ANKRD17: variants seen among roughly 807,000 people sequenced by gnomAD.
ANKRD17 encodes the protein ankyrin repeat domain 17.
Under a neutral mutation model 229.7 loss-of-function variants are expected in ANKRD17, and 19 were observed. The observed-to-expected ratio is 0.08, with a 90% CI of 0.06 to 0.12. The LOEUF is 0.12. Ranked by LOEUF, ANKRD17 falls within the 10% of genes least tolerant of loss-of-function variation. The probability of loss-of-function intolerance (pLI) is 1.00; values close to 1 mark genes in which losing one functional copy is unlikely to be tolerated. For missense variants in ANKRD17, 2,176 were observed against 3,176.8 expected (o/e 0.68, Z 7.57); for synonymous variants, 1,112 against 1,146.1 (o/e 0.97, Z 0.60).
At position 73,091,429 on chromosome 4, in the gene ANKRD17, A is replaced by T; in HGVS notation, c.6199T>A (p.Ser2067Thr). 2.5e-6 allele frequency: 4 copies of T among 1,614,084 alleles called. No individual in the cohort carries two copies. Among genetic ancestry groups the T allele is most frequent in the Non-Finnish European group, 3.4e-6 (4 of 1,180,012 alleles). Residue 2067 changes from serine (S) to threonine (T), a missense_variant, in exon 29 of 34, where the codon TCT (serine) becomes ACT (threonine). Coordinates refer to ENST00000358602, the MANE Select transcript of ANKRD17 (RefSeq NM_032217.5). ...RNSPLDCGSA[S>T]PNKVASSSEQ... is the part of the protein sequence containing the mutation. Reference sequence around the variant, plus strand: ...GAGGAAGATGCCACTTTATTTGGAGATGCTGATCCACAATCCAAAGGGCTG... The same window carrying T: ...GAGGAAGATGCCACTTTATTTGGAGTTGCTGATCCACAATCCAAAGGGCTG...
At chr4:73,241,227 A>G (rs1269831374) in intron 1 of ANKRD17, among the ~76,000 whole-genome samples, 5 of 152,232 alleles carry the variant, frequency 3.3e-5, no homozygotes, top group East Asian at 3.8e-4. Context: ...TATGAAACAG[A>G]TAAGTCAACT....
Position 73,155,659 on chromosome 4 carries a change from T to A in ANKRD17, c.972A>T (p.Lys324Asn). The A allele has an allele frequency of 6.2e-7, 1 of 1,614,150 alleles. No homozygotes were observed. Among genetic ancestry groups the A allele is most frequent in the Non-Finnish European group, 8.5e-7 (1 of 1,180,020 alleles). The change falls in exon 5 of 34, where the codon AAA (lysine) becomes AAT (asparagine). Residue 324 changes from lysine to asparagine, a missense_variant. Around this residue, in one of 18 missense-constraint regions of ANKRD17, gnomAD observed 184 missense variants for 357.8 expected, o/e 0.51. Transcript: ENST00000358602. ...VKIVKLLLAH[K>N]ADVNAQSSTG... ...TTGAAGACTGTGCATTAACATCTGC[T>A]TTATGAGCTAGCAGCAACTTCACAA...
At chr4:73,202,147 T>C (rs952346613) in intron 1 of ANKRD17, among the ~76,000 whole-genome samples, 9 of 152,018 alleles carry the variant, frequency 5.9e-5, no homozygotes, top group African/African-American at 2.2e-4. Flanking sequence ...ATGTGGCTTA[T>C]AGGCACAACA....
In ANKRD17 at chr4:73,148,881, C is replaced by G; in HGVS notation, c.1499G>C (p.Gly500Ala). Residue 500 changes from glycine (G) to alanine (A), a missense_variant, in exon 8 of 34, where the codon GGT (glycine) becomes GCT (alanine). This residue lies in a region of ANKRD17 where 42 missense variants were observed against 141.3 expected (regional missense o/e 0.30). Coordinates refer to ENST00000358602, the MANE Select transcript of ANKRD17 (RefSeq NM_032217.5). ...GASLEEVNDEGYTPLMEAARE... is the reference protein window; with the variant it reads ...GASLEEVNDEAYTPLMEAARE... ...AGCTGCTTCCATCAATGGTGTATAA[C>G]CTTCATCATTGACCTCTTCCAGGCT... The G allele has an allele frequency of 1.2e-6, 2 of 1,613,962 alleles. No homozygotes were observed. Among genetic ancestry groups the G allele is most frequent in the Non-Finnish European group, 1.7e-6 (2 of 1,179,944 alleles).
chr4:73,188,258 T>C (rs753874279), intron 1 of ANKRD17, among the ~76,000 whole-genome samples: 30 of 152,070 alleles, frequency 2.0e-4, no homozygotes, highest in Non-Finnish European at 4.0e-4. Context: ...TATAAGCATA[T>C]TATTTCATAT....
intron 11 of ANKRD17, 75 bp downstream of exon 11, chr4:73,144,670 T>A: frequency 9.9e-7 from 1 of 1,006,690 alleles, no homozygotes; most frequent in Non-Finnish European, 1.4e-6. Flanking sequence ...TCAAAAGACC[T>A]TTACCCTTAA....
chr4:73,159,904 A>G (rs1732267731), intron 3 of ANKRD17, among the ~76,000 whole-genome samples: 1 of 152,214 alleles, frequency 6.6e-6, no homozygotes, highest in Non-Finnish European at 1.5e-5. Flanking sequence ...ACTAATAAAG[A>G]GCCAAGAGAA....
intron 6 of ANKRD17, among the ~76,000 whole-genome samples, chr4:73,153,659 T>A (rs1277881635): frequency 2.6e-5 from 4 of 152,198 alleles, no homozygotes; most frequent in Non-Finnish European, 5.9e-5. Context: ...AACAATTAGA[T>A]CAATTAATAC....
chr4:73,108,574 A>C (rs1724920123), intron 24 of ANKRD17, among the ~76,000 whole-genome samples: 1 of 152,192 alleles, frequency 6.6e-6, no homozygotes, highest in African/African-American at 2.4e-5. Context: ...AAGTGAAGAG[A>C]GTATATCAAA....
At chr4:73,090,588 A>G (rs547496884) in intron 29 of ANKRD17, 79 bp downstream of exon 29, 1 of 1,555,390 alleles carries the variant, frequency 6.4e-7, no homozygotes, top group South Asian at 1.2e-5. Flanking sequence ...AGAGAATAAA[A>G]ATATTAGAAA....
chr4:73,102,452 T>C lies in ANKRD17; in HGVS notation c.4497A>G (p.Leu1499=), dbSNP rs142490808. Residue 1499 remains leucine, a synonymous_variant, in exon 25 of 34, where the codon CTA becomes CTG. Transcript: ENST00000358602. Reference sequence around the variant, plus strand: ...CTTTATTTTTGGCTTCAATTTCTTCTAGTTTCCTTCTTTGTTCTTCCTTTT... The same window carrying C: ...CTTTATTTTTGGCTTCAATTTCTTCCAGTTTCCTTCTTTGTTCTTCCTTTT... ...RKKKEEQRRK[L]EEIEAKNKEN... The C allele has an allele frequency of 3.4e-5, 54 of 1,607,630 alleles. No homozygotes were observed. In the African/African-American group the frequency reaches 5.8e-4, roughly 17 times the overall value.
chr4:73,129,841 C>T (rs1427732442), intron 16 of ANKRD17, among the ~76,000 whole-genome samples: 1 of 150,636 alleles, frequency 6.6e-6, no homozygotes, highest in Non-Finnish European at 1.5e-5. Flanking sequence ...CAGCTCACTG[C>T]AAGCTCCGTC....
chr4:73,216,549 T>C (rs901810054), intron 1 of ANKRD17, among the ~76,000 whole-genome samples: 4 of 152,218 alleles, frequency 2.6e-5, no homozygotes, highest in East Asian at 1.9e-4. Flanking sequence ...GGGTTAACTA[T>C]GTAACTAAAT....
chr4:73,257,951 AGGCAGACCACCCCC>A (rs1745610539), intron 1 of ANKRD17, among the ~76,000 whole-genome samples: 1 of 151,022 alleles, frequency 6.6e-6, no homozygotes, highest in African/African-American at 2.4e-5. Flanking sequence ...TACTGGCCCC[AGGCAGACCACCCCC>A]CCACCCCCCG....
rs766111088 is a variant in ANKRD17 at position 73,141,753 on chromosome 4, T to C, written c.2320A>G (p.Ile774Val). 2.5e-6 allele frequency: 4 copies of C among 1,613,522 alleles called. No homozygotes were observed. The highest frequency in any genetic ancestry group is 1.7e-5 in the Admixed American group (1 of 59,996). ...AAGTATAACTGACCTTTATTCCTGA[T>C]GGGAAGAGTGGTGGCAACATTGGCA... is the stretch of plus-strand genomic sequence containing the variant. ...PPANVATTLP[I>V]RNKAASKQKS... is the part of the protein sequence containing the mutation. The change falls in exon 14 of 34, where the codon ATC becomes GTC. Residue 774 changes from isoleucine (I) to valine (V), a missense_variant. By Grantham distance (29) the Ile-to-Val change is conservative (BLOSUM62 3). This residue lies in a region of ANKRD17 where 275 missense variants were observed against 386.9 expected (regional missense o/e 0.71). Transcript: ENST00000358602.
At chr4:73,130,220 CA>C (rs1267529349) in intron 16 of ANKRD17, among the ~76,000 whole-genome samples, 1 of 152,124 alleles carries the variant, frequency 6.6e-6, no homozygotes, top group Non-Finnish European at 1.5e-5. Flanking sequence ...GATAGCACTT[CA>C]AGGTATTCAA....
intron 11 of ANKRD17, among the ~76,000 whole-genome samples, chr4:73,143,485 G>A (rs1209562431): frequency 6.6e-6 from 1 of 152,130 alleles, no homozygotes; most frequent in Non-Finnish European, 1.5e-5. Context: ...AAATAAAACA[G>A]CAGAAAGAAA....
At chr4:73,218,637 T>A (rs1319521790) in intron 1 of ANKRD17, among the ~76,000 whole-genome samples, 9 of 135,750 alleles carry the variant, frequency 6.6e-5, no homozygotes, top group Non-Finnish European at 1.4e-4. Context: ...AGTGAGACTC[T>A]GTCTCAAAAA....
chr4:73,085,670 G>A (rs1266396125), intron 29 of ANKRD17, among the ~76,000 whole-genome samples: 2 of 146,594 alleles, frequency 1.4e-5, no homozygotes, highest in African/African-American at 2.5e-5. Context: ...GCAACACATC[G>A]AGACCCCACC....
Sources: allele counts gnomAD v4.1 joint callset (sites outside exome capture counted in the v4.1 genomes callset), GRCh38; gene constraint gnomAD v4.1.1; regional missense constraint gnomAD v4.1.1; transcripts MANE v1.5; gene names NCBI Gene and HGNC (gene_info 2026-07-23, HGNC 2026-07-21).